Variants in CADPS observed in about 807,000 individuals in gnomAD.
CADPS encodes the protein calcium dependent secretion activator, also known as calcium-dependent secretion activator 1.
In CADPS, 57 loss-of-function variants were observed where a neutral mutation model predicts 167.3. The ratio of observed to expected loss-of-function variants is 0.34; its 90% confidence interval spans 0.28 to 0.42. CADPS has a LOEUF of 0.42. CADPS is among the 20% of genes least tolerant of loss of function. The probability of loss-of-function intolerance (pLI) is 1.00; values close to 1 mark genes in which losing one functional copy is unlikely to be tolerated. For missense variants in CADPS, 1,414 were observed against 1,738.1 expected (o/e 0.81, Z 3.32); for synonymous variants, 676 against 635.3 (o/e 1.06, Z -0.96).
At chr3:62,837,813 T>A (rs2076107983) in intron 1 of CADPS, among the ~76,000 whole-genome samples, 1 of 152,208 alleles carries the variant, frequency 6.6e-6, no homozygotes. Context: ...TTCTGATTGT[T>A]TCTTCTTCTG....
intron 6 of CADPS, among the ~76,000 whole-genome samples, chr3:62,642,912 A>AAAGAC (rs1385333697): frequency 8.2e-6 from 1 of 122,324 alleles, no homozygotes; most frequent in Non-Finnish European, 1.7e-5. Flanking sequence ...CCCTATCTCA[A>AAAGAC]AAGACAAAAC....
At chr3:62,839,007 G>A (rs2076274253) in intron 1 of CADPS, among the ~76,000 whole-genome samples, 1 of 152,166 alleles carries the variant, frequency 6.6e-6, no homozygotes, top group Non-Finnish European at 1.5e-5. Flanking sequence ...CCTGGGTCAG[G>A]CAGATAAGTG....
chr3:62,594,823 A>G (rs965672502), intron 6 of CADPS, among the ~76,000 whole-genome samples: 16 of 152,200 alleles, frequency 1.1e-4, no homozygotes, highest in African/African-American at 3.4e-4. Context: ...TGAGATGCCT[A>G]TTCCCAAAAT....
intron 4 of CADPS, among the ~76,000 whole-genome samples, chr3:62,661,050 A>T (rs1470338298): frequency 6.6e-6 from 1 of 152,196 alleles, no homozygotes; most frequent in African/African-American, 2.4e-5. Flanking sequence ...GTACATGTGA[A>T]GCATTTAGCA....
chr3:62,494,942 C>T (rs1576808304), intron 18 of CADPS, among the ~76,000 whole-genome samples: 2 of 152,078 alleles, frequency 1.3e-5, no homozygotes, highest in South Asian at 2.1e-4. Flanking sequence ...GGATTACAGG[C>T]ATGAGCCACC....
chr3:62,600,264 T>C (rs1298646888), intron 6 of CADPS, among the ~76,000 whole-genome samples: 1 of 151,554 alleles, frequency 6.6e-6, no homozygotes, highest in East Asian at 1.9e-4. Context: ...CGTCAATCCA[T>C]GAAGGCTGAG....
intron 3 of CADPS, among the ~76,000 whole-genome samples, chr3:62,695,015 T>C (rs1479854685): frequency 6.6e-6 from 1 of 152,146 alleles, no homozygotes; most frequent in African/African-American, 2.4e-5. Flanking sequence ...CTTCCCATCC[T>C]GCAACTTTGA....
rs111688940 is a variant in CADPS, at chr3:62,455,230, C to G, written c.3637-9433G>C. ...TCATTTCTGTCCCAATCCCTCATTC[C>G]CAGAGAGGATTTTTCCAAGGCTCAA... On this transcript the variant is annotated intron_variant, in intron 26 of 29. Coordinates refer to ENST00000383710, the MANE Select transcript of CADPS (RefSeq NM_003716.4). This position sits in a 1 kb window ranked among gnomAD's most constrained non-coding sequence, Gnocchi z 4.4. Among the ~76,000 whole-genome samples, 1 of 150,466 alleles carries G rather than the reference C, an allele frequency of 6.6e-6. No individual in the cohort carries two copies. Among genetic ancestry groups the G allele is most frequent in the African/African-American group, 2.4e-5 (1 of 40,956 alleles).
intron 6 of CADPS, among the ~76,000 whole-genome samples, chr3:62,621,995 C>T (rs996348084): frequency 1.3e-5 from 2 of 151,892 alleles, no homozygotes; most frequent in Non-Finnish European, 2.9e-5. Flanking sequence ...TCCCACTCAT[C>T]CCACCCATCC....
intron 28 of CADPS, among the ~76,000 whole-genome samples, chr3:62,406,142 G>A (rs189790627): frequency 6.6e-5 from 10 of 152,288 alleles, no homozygotes; most frequent in Admixed American, 5.9e-4. Flanking sequence ...CATGACAGCC[G>A]ATCTTGCACA....
At chr3:62,665,184 ATTCTGGG>A (rs1160081285) in intron 3 of CADPS, among the ~76,000 whole-genome samples, 3 of 152,210 alleles carry the variant, frequency 2.0e-5, no homozygotes, top group Non-Finnish European at 4.4e-5. Context: ...AGGAAAAAGG[ATTCTGGG>A]GTGAGGAATT....
intron 17 of CADPS, among the ~76,000 whole-genome samples, chr3:62,505,589 GCAGT>G (rs1387681782): frequency 6.6e-6 from 1 of 152,160 alleles, no homozygotes; most frequent in East Asian, 1.9e-4. Context: ...CTGCCATGCA[GCAGT>G]CAGAGTGATC....
intron 3 of CADPS, among the ~76,000 whole-genome samples, chr3:62,692,120 A>G (rs1303030279): frequency 4.6e-5 from 7 of 152,074 alleles, no homozygotes; most frequent in Non-Finnish European, 1.5e-5. Flanking sequence ...GGTATTTTAG[A>G]TCAGTCCTCA....
At chr3:62,773,341 C>T (rs760435886) in intron 1 of CADPS, among the ~76,000 whole-genome samples, 5 of 151,976 alleles carry the variant, frequency 3.3e-5, no homozygotes, top group Non-Finnish European at 7.4e-5. Flanking sequence ...ATTTATGTAA[C>T]ATACTCTGAA....
chr3:62,734,318 T>C (rs917201006), intron 3 of CADPS, among the ~76,000 whole-genome samples: 1 of 152,174 alleles, frequency 6.6e-6, no homozygotes, highest in African/African-American at 2.4e-5. Flanking sequence ...GAGTAGTAGA[T>C]ATGTGGCTAG....
At chr3:62,506,856 G>T (rs1410508883) in intron 17 of CADPS, among the ~76,000 whole-genome samples, 4 of 152,154 alleles carry the variant, frequency 2.6e-5, no homozygotes, top group South Asian at 2.1e-4. Context: ...TTCTTCTAGA[G>T]TCATTAGCTA....
At chr3:62,762,782 G>T (rs1372190825) in intron 2 of CADPS, among the ~76,000 whole-genome samples, 2 of 152,062 alleles carry the variant, frequency 1.3e-5, no homozygotes, top group African/African-American at 4.8e-5. Flanking sequence ...TGGAACTAAT[G>T]CTCTGCGGAT....
intron 6 of CADPS, among the ~76,000 whole-genome samples, chr3:62,624,755 A>T (rs2063748305): frequency 6.6e-6 from 1 of 152,126 alleles, no homozygotes; most frequent in Non-Finnish European, 1.5e-5. Flanking sequence ...TGGGAATGAT[A>T]ATATCTACTT....
intron 1 of CADPS, among the ~76,000 whole-genome samples, chr3:62,817,362 G>A (rs1395585285): frequency 6.6e-6 from 1 of 152,072 alleles, no homozygotes; most frequent in African/African-American, 2.4e-5. Context: ...AAGGGTCTCT[G>A]CATGATTTTT....
Sources: allele counts gnomAD v4.1 joint callset (sites outside exome capture counted in the v4.1 genomes callset), GRCh38; gene constraint gnomAD v4.1.1; non-coding constraint Gnocchi (gnomAD v3.1); transcripts MANE v1.5; gene names NCBI Gene and HGNC (gene_info 2026-07-23, HGNC 2026-07-21).